TOX: variants seen among roughly 807,000 people sequenced by gnomAD.
The protein encoded by TOX is thymocyte selection associated high mobility group box.
In TOX, 11 loss-of-function variants were observed where a neutral mutation model predicts 53.7. The observed-to-expected ratio is 0.20, with a 90% confidence interval of 0.13 to 0.34. TOX has a LOEUF of 0.34. Ranked by LOEUF, TOX falls within the 10% of genes least tolerant of loss-of-function variation. The probability of loss-of-function intolerance (pLI) is 1.00; values close to 1 mark genes in which losing one functional copy is unlikely to be tolerated. For missense variants in TOX, 570 were observed against 664.6 expected (o/e 0.86, Z 1.56); for synonymous variants, 225 against 245.3 (o/e 0.92, Z 0.77).
rs545533058 is a variant in TOX at position 58,836,255 on chromosome 8, C to A, written c.924+1826G>T. 3.3e-5 allele frequency among the ~76,000 whole-genome samples: 5 copies of A among 152,270 alleles called. No individual in the cohort carries two copies. In the South Asian group the frequency reaches 1.0e-3, roughly 32 times the overall value. On this transcript the variant is annotated intron_variant, in intron 5 of 8. Transcript: ENST00000361421. ...TAGTTTCTCATTCAGTGAGGCTCTG[C>A]TGAGTGGAGAAGTCAAGTCACTGTA...
At chr8:58,893,742 T>C (rs1449886932) in intron 3 of TOX, among the ~76,000 whole-genome samples, 1 of 152,218 alleles carries the variant, frequency 6.6e-6, no homozygotes, top group Non-Finnish European at 1.5e-5. Flanking sequence ...AGAAGAAAGT[T>C]ACAAAAGCTT....
intron 1 of TOX, among the ~76,000 whole-genome samples, chr8:59,029,460 G>C (rs1814312917): frequency 6.6e-6 from 1 of 152,120 alleles, no homozygotes; most frequent in African/African-American, 2.4e-5. Flanking sequence ...GAAAATGTCA[G>C]ACAGTGATAA....
rs35751133 is a variant in TOX at position 59,037,167 on chromosome 8, CT to C, written c.103-77160del. 5.7e-3 allele frequency among the ~76,000 whole-genome samples: 809 copies of C among 142,848 alleles called. 4 individuals carry two copies. The highest frequency in any genetic ancestry group is 7.5e-3 in the Admixed American group (107 of 14,310). 93.7% of individuals were successfully genotyped at this position (142,848 alleles called of 152,430 possible). A position where few individuals can be genotyped will look rare whatever the true frequency, so the allele number is the denominator to read the frequency against. On this transcript the variant is annotated intron_variant, in intron 1 of 8. Transcript: ENST00000361421. Reference sequence around the variant, plus strand: ...CAGAAGCTCCAATGTTTCCAAGCTCCTTTTTTTTTTTTTCACTTTTCCTTCT... The same window carrying C: ...CAGAAGCTCCAATGTTTCCAAGCTCCTTTTTTTTTTTTCACTTTTCCTTCT...
In TOX at chr8:58,907,911, T is replaced by C. The variant is rs145233481; in HGVS notation, c.411+31391A>G. 3.3e-3 allele frequency among the ~76,000 whole-genome samples: 502 copies of C among 152,292 alleles called. 1 individual carries two copies. Among genetic ancestry groups the C allele is most frequent in the African/African-American group, 0.011 (472 of 41,558 alleles). On this transcript the variant is annotated intron_variant, in intron 3 of 8. Transcript: ENST00000361421. Reference sequence around the variant, plus strand: ...TTTGTGCTAGATATCTTCAAATATATAGAAAGATCCAAACTTTTTTCCGTC... The same window carrying C: ...TTTGTGCTAGATATCTTCAAATATACAGAAAGATCCAAACTTTTTTCCGTC...
At chr8:59,015,064 ACC>A (rs1337801624) in intron 1 of TOX, among the ~76,000 whole-genome samples, 6 of 152,156 alleles carry the variant, frequency 3.9e-5, no homozygotes, top group Admixed American at 3.9e-4. Flanking sequence ...GAGAGGATCA[ACC>A]CCCTCTGGGT....
intron 1 of TOX, chr8:58,992,868 C>T (rs1204624178): frequency 2.0e-5 from 3 of 152,150 alleles, no homozygotes; most frequent in Non-Finnish European, 4.4e-5. Context: ...TGTTCATTTG[C>T]TAACACTGTT....
chr8:58,988,408 G>A (rs1362914841), intron 1 of TOX, among the ~76,000 whole-genome samples: 6 of 152,096 alleles, frequency 3.9e-5, no homozygotes, highest in Admixed American at 2.0e-4. Context: ...ATACAATGGC[G>A]GAGTTGAATA....
At position 59,002,607 on chromosome 8, in the gene TOX, C is replaced by A. The variant is rs150756642; in HGVS notation, c.103-42599G>T. On this transcript the variant is annotated intron_variant, in intron 1 of 8. Coordinates refer to ENST00000361421, the MANE Select transcript of TOX (RefSeq NM_014729.3). ...CTCCGTCTCAAAACAACAACAACAA[C>A]AAAAAAAAAACAAACAAAAAAAATC... 2.7e-3 allele frequency among the ~76,000 whole-genome samples: 388 copies of A among 145,458 alleles called. 4 individuals are homozygous for A. Among genetic ancestry groups the A allele is most frequent in the South Asian group, 0.015 (67 of 4,604 alleles).
chr8:58,896,381 A>C (rs1249261709), intron 3 of TOX, among the ~76,000 whole-genome samples: 1 of 152,200 alleles, frequency 6.6e-6, no homozygotes, highest in Non-Finnish European at 1.5e-5. Context: ...TTAGCACAAC[A>C]TTAAAAAAAA....
At chr8:59,111,208 T>C (rs930727044) in intron 1 of TOX, among the ~76,000 whole-genome samples, 1 of 152,136 alleles carries the variant, frequency 6.6e-6, no homozygotes, top group Non-Finnish European at 1.5e-5. Flanking sequence ...TAAGTCAACA[T>C]AGACTTAACG....
intron 2 of TOX, among the ~76,000 whole-genome samples, chr8:58,959,396 T>C (rs1812763577): frequency 6.6e-6 from 1 of 152,216 alleles, no homozygotes; most frequent in African/African-American, 2.4e-5. Flanking sequence ...CAGTGAAATG[T>C]ATACAAAGGT....
chr8:59,044,929 C>A (rs941789579), intron 1 of TOX, among the ~76,000 whole-genome samples: 4 of 152,344 alleles, frequency 2.6e-5, no homozygotes, highest in African/African-American at 7.2e-5. Flanking sequence ...TTCAAAAATT[C>A]ATTTTGAATT....
chr8:58,902,408 G>T (rs572611888), intron 3 of TOX, among the ~76,000 whole-genome samples: 4 of 152,244 alleles, frequency 2.6e-5, no homozygotes, highest in East Asian at 1.9e-4. Context: ...AGGACGGGGG[G>T]TCCTATAGGA....
chr8:59,064,155 T>G (rs948245297), intron 1 of TOX, among the ~76,000 whole-genome samples: 2 of 152,162 alleles, frequency 1.3e-5, no homozygotes, highest in Non-Finnish European at 2.9e-5. Flanking sequence ...CCCTATGGTC[T>G]GAAATGCTAA....
At chr8:58,936,605 T>A (rs11777659) in intron 3 of TOX, among the ~76,000 whole-genome samples, 11,741 of 152,242 alleles carry the variant, frequency 0.077, 557 homozygotes, top group South Asian at 0.19. Flanking sequence ...TCTTTGTTTC[T>A]CACAGGAATT....
chr8:59,064,988 C>CT (rs1193189993), intron 1 of TOX, among the ~76,000 whole-genome samples: 1 of 152,118 alleles, frequency 6.6e-6, no homozygotes, highest in Admixed American at 6.5e-5. Context: ...CGCCCTGAGG[C>CT]TTCCCAATTC....
intron 1 of TOX, among the ~76,000 whole-genome samples, chr8:58,978,546 T>C (rs1813146927): frequency 6.6e-6 from 1 of 152,194 alleles, no homozygotes; most frequent in Non-Finnish European, 1.5e-5. Flanking sequence ...CATTAATAGG[T>C]TTCATTTTTA....
chr8:58,904,379 A>T (rs1261664999), intron 3 of TOX, among the ~76,000 whole-genome samples: 1 of 152,106 alleles, frequency 6.6e-6, no homozygotes, highest in Non-Finnish European at 1.5e-5. Flanking sequence ...GGTAAAATAA[A>T]TATTTGTCGT....
chr8:58,995,735 C>A (rs920205386), intron 1 of TOX, among the ~76,000 whole-genome samples: 3 of 152,168 alleles, frequency 2.0e-5, no homozygotes, highest in African/African-American at 7.2e-5. Context: ...CCTTCATATG[C>A]TGGTCGTCTT....
Sources: allele counts gnomAD v4.1 joint callset (sites outside exome capture counted in the v4.1 genomes callset), GRCh38; gene constraint gnomAD v4.1.1; transcripts MANE v1.5; gene names NCBI Gene and HGNC (gene_info 2026-07-23, HGNC 2026-07-21).